HS3ST5: variants seen among roughly 807,000 people sequenced by gnomAD.
The protein encoded by HS3ST5 is heparan sulfate glucosamine 3-O-sulfotransferase 5.
A neutral mutation model predicts 25.4 loss-of-function variants in HS3ST5; 10 were observed. The observed-to-expected ratio is 0.39, with a 90% CI of 0.24 to 0.67. The LOEUF is 0.67. HS3ST5 is among the 30% of genes least tolerant of loss of function. HS3ST5 has a pLI of 0.44. For missense variants in HS3ST5, 324 were observed against 420.7 expected (o/e 0.77, Z 2.01); for synonymous variants, 170 against 162.4 (o/e 1.05, Z -0.36).
intron 1 of HS3ST5, among the ~76,000 whole-genome samples, chr6:114,268,559 T>G (rs1261087768): frequency 6.6e-6 from 1 of 152,190 alleles, no homozygotes; most frequent in Non-Finnish European, 1.5e-5. Flanking sequence ...TCATTCTTCT[T>G]TTCCCAAAAT....
intron 3 of HS3ST5, among the ~76,000 whole-genome samples, chr6:114,131,858 G>A (rs1357826918): frequency 2.0e-5 from 3 of 152,130 alleles, no homozygotes; most frequent in South Asian, 2.1e-4. Context: ...CCATGTGGGC[G>A]TTTAATATTC....
chr6:114,269,037 G>T lies in HS3ST5; in HGVS notation c.-338-40259C>A, dbSNP rs138757491. 3.1e-3 allele frequency among the ~76,000 whole-genome samples: 479 copies of T among 152,284 alleles called. 3 individuals carry two copies. The highest frequency in any genetic ancestry group is 0.02 in the Middle Eastern group (6 of 294). On this transcript the variant is annotated intron_variant, in intron 1 of 4. Coordinates refer to ENST00000312719, the MANE Select transcript of HS3ST5 (RefSeq NM_153612.4). The stretch of plus-strand genomic sequence containing the variant: ...TACCTTCCAACACTTAACATTTTAT[G>T]ATTCTAAAACAGTTCATTAGTTGCT...
At chr6:114,065,170 C>T (rs1773379073) in intron 3 of HS3ST5, among the ~76,000 whole-genome samples, 1 of 152,200 alleles carries the variant, frequency 6.6e-6, no homozygotes, top group Non-Finnish European at 1.5e-5. Flanking sequence ...TTCTCAAAAA[C>T]CCTATAAAGT....
At chr6:114,254,912 C>T (rs1331384509) in intron 1 of HS3ST5, among the ~76,000 whole-genome samples, 3 of 152,174 alleles carry the variant, frequency 2.0e-5, no homozygotes, top group Non-Finnish European at 4.4e-5. Flanking sequence ...CACAGCCAAA[C>T]CATATTATTC....
chr6:114,254,047 G>T (rs1159548416), intron 1 of HS3ST5, among the ~76,000 whole-genome samples: 2 of 152,142 alleles, frequency 1.3e-5, no homozygotes, highest in Admixed American at 1.3e-4. Context: ...GGCCTAAAAG[G>T]AGAGGAGAAA....
chr6:114,077,042 T>C (rs1264136569), intron 3 of HS3ST5, among the ~76,000 whole-genome samples: 8 of 152,238 alleles, frequency 5.3e-5, no homozygotes, highest in Non-Finnish European at 1.2e-4. Context: ...ATGGTGAGAA[T>C]AGCTTTGAGC....
intron 3 of HS3ST5, among the ~76,000 whole-genome samples, chr6:114,085,965 G>A (rs1167045788): frequency 7.8e-6 from 1 of 128,528 alleles, no homozygotes; most frequent in Non-Finnish European, 1.6e-5. Flanking sequence ...GCCACTTAGA[G>A]GAAAAACTTC....
intron 1 of HS3ST5, among the ~76,000 whole-genome samples, chr6:114,339,091 T>A (rs1396132007): frequency 1.3e-5 from 2 of 152,046 alleles, no homozygotes; most frequent in Non-Finnish European, 2.9e-5. Context: ...ATTGCAATCA[T>A]CTCAGAATAT....
intron 1 of HS3ST5, among the ~76,000 whole-genome samples, chr6:114,232,140 A>G (rs1486529209): frequency 6.6e-6 from 1 of 152,006 alleles, no homozygotes; most frequent in East Asian, 1.9e-4. Context: ...CGTATTATCC[A>G]TATTCTATAG....
chr6:114,236,064 C>T (rs1438102669), intron 1 of HS3ST5, among the ~76,000 whole-genome samples: 2 of 152,200 alleles, frequency 1.3e-5, no homozygotes, highest in East Asian at 3.8e-4. Flanking sequence ...GTACCCTAAA[C>T]TGTGGTACCT....
At chr6:114,111,497 G>A (rs1776266200) in intron 3 of HS3ST5, among the ~76,000 whole-genome samples, 3 of 152,028 alleles carry the variant, frequency 2.0e-5, no homozygotes, top group Admixed American at 2.0e-4. Context: ...ACAGAGCATG[G>A]GTCTCCTGCC....
At chr6:114,249,897 T>C (rs1283137689) in intron 1 of HS3ST5, among the ~76,000 whole-genome samples, 58 of 152,212 alleles carry the variant, frequency 3.8e-4, no homozygotes, top group Admixed American at 3.7e-3. Context: ...AATGGGGATA[T>C]TGCACCAAAT....
At chr6:114,136,460 T>G (rs946143356) in intron 3 of HS3ST5, among the ~76,000 whole-genome samples, 1 of 152,220 alleles carries the variant, frequency 6.6e-6, no homozygotes, top group Non-Finnish European at 1.5e-5. Flanking sequence ...CAATTAAACC[T>G]CTTTCCTTTA....
chr6:114,237,046 G>T (rs1003686523), intron 1 of HS3ST5, among the ~76,000 whole-genome samples: 4 of 152,202 alleles, frequency 2.6e-5, no homozygotes, highest in Admixed American at 1.3e-4. Context: ...ATGCTAAAAT[G>T]ATTTGCGACA....
chr6:114,216,131 G>A (rs1332465896), intron 2 of HS3ST5, among the ~76,000 whole-genome samples: 1 of 152,154 alleles, frequency 6.6e-6, no homozygotes, highest in African/African-American at 2.4e-5. Context: ...ATGCCTAGTA[G>A]GGTCCCAGAG....
chr6:114,196,568 G>A (rs886536273), intron 2 of HS3ST5, among the ~76,000 whole-genome samples: 5 of 151,786 alleles, frequency 3.3e-5, no homozygotes, highest in African/African-American at 4.8e-5. Flanking sequence ...AACAGGGAGC[G>A]GCCCTCGTGA....
chr6:114,280,681 C>T (rs1582783813), intron 1 of HS3ST5, among the ~76,000 whole-genome samples: 1 of 151,956 alleles, frequency 6.6e-6, no homozygotes, highest in South Asian at 2.1e-4. Flanking sequence ...TTTCTAAAGG[C>T]AGTAAATAAG....
At chr6:114,260,888 G>T (rs1237593582) in intron 1 of HS3ST5, among the ~76,000 whole-genome samples, 1 of 152,048 alleles carries the variant, frequency 6.6e-6, no homozygotes, top group Admixed American at 6.6e-5. Context: ...ACATTAGGTA[G>T]GTCCTAAACT....
chr6:114,276,179 T>C (rs1773846076), intron 1 of HS3ST5, among the ~76,000 whole-genome samples: 1 of 151,628 alleles, frequency 6.6e-6, no homozygotes, highest in Non-Finnish European at 1.5e-5. Context: ...ATGCTTATGT[T>C]AGTTCTTTAA....
Sources: allele counts gnomAD v4.1 joint callset (sites outside exome capture counted in the v4.1 genomes callset), GRCh38; gene constraint gnomAD v4.1.1; transcripts MANE v1.5; gene names NCBI Gene and HGNC (gene_info 2026-07-23, HGNC 2026-07-21).